The following CRIM1 variants were observed in gnomAD, a reference collection of about 807,000 sequenced individuals.
The protein encoded by CRIM1 is cysteine-rich motor neuron 1 protein.
In CRIM1, 32 loss-of-function variants were observed where a neutral mutation model predicts 116.4. The observed-to-expected ratio is 0.27, with a 90% CI of 0.21 to 0.37. CRIM1 has a LOEUF of 0.37. CRIM1 is among the 10% of genes least tolerant of loss of function. The probability of loss-of-function intolerance (pLI) is 1.00; values close to 1 mark genes in which losing one functional copy is unlikely to be tolerated. For synonymous variants in CRIM1, 590 were observed against 509.2 expected (o/e 1.16, Z -2.13); for missense variants, 1,331 against 1,354.8 (o/e 0.98, Z 0.28).
chr2:36,401,730 CA>C (rs1672417197), intron 2 of CRIM1, among the ~76,000 whole-genome samples: 1 of 152,128 alleles, frequency 6.6e-6, no homozygotes, highest in Non-Finnish European at 1.5e-5. Flanking sequence ...TATTGTAATT[CA>C]GTGGTCATAA....
chr2:36,417,952 A>G (rs975633370), intron 2 of CRIM1, among the ~76,000 whole-genome samples: 1 of 152,222 alleles, frequency 6.6e-6, no homozygotes, highest in Non-Finnish European at 1.5e-5. Flanking sequence ...GAAGAAAGGC[A>G]GGAGGGCTTC....
At chr2:36,359,910 G>A (rs773349737) in intron 1 of CRIM1, among the ~76,000 whole-genome samples, 4 of 152,150 alleles carry the variant, frequency 2.6e-5, no homozygotes, top group Non-Finnish European at 4.4e-5. Context: ...GCTCTTTGCA[G>A]CATCCTAACT....
rs554207627 is a variant in CRIM1 at position 36,507,519 on chromosome 2, G to C, written c.1502-2464G>C. 2.6e-5 allele frequency among the ~76,000 whole-genome samples: 4 copies of C among 152,284 alleles called. No individual in the cohort carries two copies. The South Asian group carries it at 6.2e-4, about 24-fold the overall frequency. On this transcript the variant is annotated intron_variant, in intron 8 of 16. Transcript: ENST00000280527. ...TGTGTGCCTAAAGATACTAGGGCCT[G>C]GGCCTAGAGCTCCCTCTATTGGGAA...
chr2:36,385,508 A>C (rs1271925859), intron 1 of CRIM1, among the ~76,000 whole-genome samples: 1 of 152,108 alleles, frequency 6.6e-6, no homozygotes, highest in Non-Finnish European at 1.5e-5. Flanking sequence ...GTGGGTTTTC[A>C]GTTCTGATGG....
At position 36,506,653 on chromosome 2, in the gene CRIM1, ACTTTCT is replaced by A. The variant is rs1318627338; in HGVS notation, c.1502-3326_1502-3321del. ...GCCCTGTACTTTGCCATTGTTCATC[ACTTTCT>A]CTTCAATCGTAACTTCTCCCCATGT... On this transcript the variant is annotated intron_variant, in intron 8 of 16. Transcript: ENST00000280527. 3.3e-5 allele frequency among the ~76,000 whole-genome samples: 5 copies of A among 152,160 alleles called. No homozygotes were observed. The East Asian group carries it at 9.7e-4, about 29-fold the overall frequency.
chr2:36,522,537 C>T (rs1665465638), intron 13 of CRIM1, among the ~76,000 whole-genome samples: 1 of 152,092 alleles, frequency 6.6e-6, no homozygotes, highest in Non-Finnish European at 1.5e-5. Context: ...AGTGGTGGCT[C>T]ACGCCTGCAA....
intron 1 of CRIM1, among the ~76,000 whole-genome samples, chr2:36,371,042 T>C (rs1669909869): frequency 6.6e-6 from 1 of 152,108 alleles, no homozygotes; most frequent in African/African-American, 2.4e-5. Context: ...GGAGATGTGG[T>C]CAACACATTC....
intron 1 of CRIM1, among the ~76,000 whole-genome samples, chr2:36,374,339 G>A (rs376083843): frequency 1.4e-4 from 22 of 152,306 alleles, no homozygotes; most frequent in African/African-American, 5.1e-4. Flanking sequence ...TGGGCCCACT[G>A]CCATCTTTTA....
chr2:36,422,811 T>C (rs1267371225), intron 2 of CRIM1, among the ~76,000 whole-genome samples: 2 of 152,214 alleles, frequency 1.3e-5, no homozygotes, highest in Non-Finnish European at 2.9e-5. Context: ...GGAGCTGTTA[T>C]TGCAAAGTCA....
intron 2 of CRIM1, among the ~76,000 whole-genome samples, chr2:36,427,372 G>A (rs1202474277): frequency 6.6e-6 from 1 of 152,110 alleles, no homozygotes. Flanking sequence ...CCATCAGCAG[G>A]AGATGTTCAG....
rs1558492397 is a variant in CRIM1 at position 36,356,648 on chromosome 2, C to T, written c.331+25C>T. ...GGTACGGCCGCCCGCTGCGGGCCCC[C>T]TCCCACCTGGCCTGCGCCGCCCCCT... On this transcript the variant is annotated intron_variant, in intron 1 of 16. Coordinates refer to ENST00000280527, the MANE Select transcript of CRIM1 (RefSeq NM_016441.3). The surrounding 1 kb of genome is among the most constrained non-coding windows in gnomAD (Gnocchi z 4.3). 1 of 1,592,224 alleles carries T rather than the reference C, an allele frequency of 6.3e-7. No individual in the cohort carries two copies. The highest frequency in any genetic ancestry group is 8.5e-7 in the Non-Finnish European group (1 of 1,171,442).
At chr2:36,487,442 C>G (rs1679905668) in intron 7 of CRIM1, among the ~76,000 whole-genome samples, 3 of 151,986 alleles carry the variant, frequency 2.0e-5, no homozygotes, top group Admixed American at 2.0e-4. Flanking sequence ...TCTTTTGAAA[C>G]TGACTTTAGA....
rs756703565 is a variant in CRIM1 at position 36,548,616 on chromosome 2, C to T, written c.3026C>T (p.Ala1009Val). ...AGTTCCCAGAGAATGCTAAGAATTG[C>T]AGAACCAGATGCAAGATTCAGTGGC... The part of the protein sequence containing the change: ...VDSSQRMLRI[A>V]EPDARFSGFY... Residue 1009 changes from alanine to valine, a missense_variant, in exon 17 of 17, where the codon GCA becomes GTA. By Grantham distance (64) the Ala-to-Val change is moderately conservative. This residue lies in a region of CRIM1 where 283 missense variants were observed against 242.8 expected (regional missense o/e 1.17). Transcript: ENST00000280527. 13 of 1,612,612 alleles carry T rather than the reference C, an allele frequency of 8.1e-6. No homozygotes were observed. Among genetic ancestry groups the T allele is most frequent in the Admixed American group, 1.7e-5 (1 of 59,680 alleles).
rs540988785 is a variant in CRIM1, at chr2:36,476,482, A to G, written c.992-407A>G. Among the ~76,000 whole-genome samples, 276 of 152,314 alleles carry G rather than the reference A, an allele frequency of 1.8e-3. 1 individual carries two copies. Among genetic ancestry groups the G allele is most frequent in the African/African-American group, 6.4e-3 (264 of 41,566 alleles). ...GAACATCACCACTTCAAAAAAGACC[A>G]TAATAAAATTTTTGAAGCAGAACAA... On this transcript the variant is annotated intron_variant, in intron 5 of 16. Transcript: ENST00000280527.
intron 1 of CRIM1, among the ~76,000 whole-genome samples, chr2:36,365,624 G>A (rs145866762): frequency 6.6e-6 from 1 of 152,214 alleles, no homozygotes; most frequent in Admixed American, 6.5e-5. Context: ...TTGTGATATA[G>A]TGCGGGGTAG....
Position 36,464,662 on chromosome 2 carries a change from G to A in CRIM1, c.991+7G>A, listed in dbSNP as rs200374356. 2.5e-5 allele frequency: 41 copies of A among 1,613,768 alleles called. No homozygotes were observed. The highest frequency in any genetic ancestry group is 2.3e-4 in the South Asian group (21 of 91,056). On this transcript the variant is annotated splice_region_variant and intron_variant, in intron 5 of 16. Coordinates refer to ENST00000280527, the MANE Select transcript of CRIM1 (RefSeq NM_016441.3). ...GTCTTTGAATGTGTTAATGGTACGTGGGGTTTCTCTTGTTCTCAGAGAGTG... is the reference window on the plus strand; with the variant it reads ...GTCTTTGAATGTGTTAATGGTACGTAGGGTTTCTCTTGTTCTCAGAGAGTG...
chr2:36,549,384 A>G lies in CRIM1; in HGVS notation c.*683A>G, dbSNP rs1426331403. The G allele has an allele frequency of 6.6e-6, 1 of 152,398 alleles. No individual in the cohort carries two copies. Among genetic ancestry groups the G allele is most frequent in the East Asian group, 1.9e-4 (1 of 5,174 alleles). 9.4% of individuals were successfully genotyped at this position (152,398 alleles called of 1,614,324 possible). A position where few individuals can be genotyped will look rare whatever the true frequency, so the allele number is the denominator to read the frequency against. ...TACAGTTACACTTTTTGCTGCTTTT[A>G]TTTTCTTCCAAGCCAATCAATCAGC... On this transcript the variant is annotated 3_prime_UTR_variant, in exon 17 of 17. Coordinates refer to ENST00000280527, the MANE Select transcript of CRIM1 (RefSeq NM_016441.3).
chr2:36,476,052 G>A (rs2125038494), intron 5 of CRIM1, among the ~76,000 whole-genome samples: 2 of 151,914 alleles, frequency 1.3e-5, no homozygotes, highest in South Asian at 4.2e-4. Context: ...TTGTCTTGGT[G>A]GGAGTTATTT....
In CRIM1 at chr2:36,473,725, G is replaced by A. The variant is rs76597927; in HGVS notation, c.992-3164G>A. 1.8e-3 allele frequency among the ~76,000 whole-genome samples: 270 copies of A among 152,092 alleles called. 1 individual carries two copies. Among genetic ancestry groups the A allele is most frequent in the African/African-American group, 6.2e-3 (257 of 41,468 alleles). ...GAACTTCATTTCTTTTTATGGCCAC[G>A]TAATATTTTATTGTATAGATATACT... On this transcript the variant is annotated intron_variant, in intron 5 of 16. Coordinates refer to ENST00000280527, the MANE Select transcript of CRIM1 (RefSeq NM_016441.3).
Sources: gnomAD v4.1 joint callset for allele counts (sites outside exome capture counted in the v4.1 genomes callset) on GRCh38, gnomAD v4.1.1 for gene constraint, gnomAD v4.1.1 regional missense constraint, Gnocchi (gnomAD v3.1) non-coding constraint, MANE v1.5 for transcripts, NCBI Gene and HGNC (gene_info 2026-07-23, HGNC 2026-07-21) for gene names.